The following CNTNAP2 variants were observed in gnomAD, a reference collection of about 807,000 sequenced individuals.
CNTNAP2 encodes the protein contactin-associated protein-like 2.
Under a neutral mutation model 155.2 loss-of-function variants are expected in CNTNAP2, and 98 were observed. The ratio of observed to expected loss-of-function variants is 0.63; its 90% CI spans 0.54 to 0.75. The LOEUF is 0.75. Ranked by LOEUF, CNTNAP2 falls within the 30% of genes least tolerant of loss-of-function variation. The pLI, the probability that CNTNAP2 is intolerant of heterozygous loss-of-function variation, is 0.00. For synonymous variants in CNTNAP2, 651 were observed against 631.2 expected (o/e 1.03, Z -0.47); for missense variants, 1,727 against 1,688.1 (o/e 1.02, Z -0.40).
chr7:146,269,804 T>C (rs1049388719), intron 1 of CNTNAP2, among the ~76,000 whole-genome samples: 9 of 152,240 alleles, frequency 5.9e-5, no homozygotes, highest in Non-Finnish European at 1.2e-4. Context: ...TTGCTTCATG[T>C]GTGGCATGGC....
At chr7:146,431,839 C>T (rs1189235126) in intron 1 of CNTNAP2, among the ~76,000 whole-genome samples, 1 of 152,012 alleles carries the variant, frequency 6.6e-6, no homozygotes, top group Non-Finnish European at 1.5e-5. Context: ...TTATTAAATA[C>T]CCAGTTATTG....
chr7:146,839,674 A>C, intron 2 of CNTNAP2, 37 bp from the exon 3 acceptor site: 1 of 1,609,062 alleles, frequency 6.2e-7, no homozygotes, highest in Non-Finnish European at 8.5e-7. Flanking sequence ...TCAAATTTAA[A>C]TATTCATTTT....
At chr7:146,687,968 A>G (rs1275948299) in intron 1 of CNTNAP2, among the ~76,000 whole-genome samples, 1 of 152,150 alleles carries the variant, frequency 6.6e-6, no homozygotes, top group Non-Finnish European at 1.5e-5. Flanking sequence ...AAGATAATCA[A>G]CTGGGGATTA....
At chr7:146,402,995 C>G (rs949965165) in intron 1 of CNTNAP2, among the ~76,000 whole-genome samples, 1 of 151,674 alleles carries the variant, frequency 6.6e-6, no homozygotes, top group Non-Finnish European at 1.5e-5. Flanking sequence ...AATTAATGAC[C>G]TAGTCACACA....
Position 147,281,661 on chromosome 7 carries a change from T to C in CNTNAP2, c.1349-18480T>C, listed in dbSNP as rs1435092094. On this transcript the variant is annotated intron_variant, in intron 8 of 23. Transcript: ENST00000361727. ...TATATTCACATTTATTGGATATATT[T>C]AAGAGAAATATATTCATGAATATAT... Among the ~76,000 whole-genome samples the C allele has an allele frequency of 2.6e-5, 4 of 151,894 alleles. No homozygotes were observed. The East Asian group carries it at 5.8e-4, about 22-fold the overall frequency.
At chr7:146,267,848 T>C (rs1046456596) in intron 1 of CNTNAP2, among the ~76,000 whole-genome samples, 1 of 152,072 alleles carries the variant, frequency 6.6e-6, no homozygotes, top group South Asian at 2.1e-4. Flanking sequence ...TCTATAGATA[T>C]AAAAATTAAA....
chr7:147,775,051 C>G (rs961831779), intron 13 of CNTNAP2, among the ~76,000 whole-genome samples: 7 of 150,696 alleles, frequency 4.6e-5, no homozygotes, highest in Non-Finnish European at 1.0e-4. Flanking sequence ...AAACCTTATT[C>G]TCATGGAACT....
chr7:148,089,045 G>A (rs942811727), intron 15 of CNTNAP2, among the ~76,000 whole-genome samples: 7 of 151,828 alleles, frequency 4.6e-5, no homozygotes, highest in African/African-American at 1.5e-4. Context: ...CAGAATGAAG[G>A]ACAAAACCCA....
chr7:146,668,618 C>T (rs1199027504), intron 1 of CNTNAP2, among the ~76,000 whole-genome samples: 2 of 152,010 alleles, frequency 1.3e-5, no homozygotes, highest in Non-Finnish European at 2.9e-5. Flanking sequence ...GTGATGAAGC[C>T]ATCCAGTTAA....
chr7:147,264,676 T>C (rs1804567918), intron 8 of CNTNAP2, among the ~76,000 whole-genome samples: 1 of 151,122 alleles, frequency 6.6e-6, no homozygotes, highest in African/African-American at 2.4e-5. Context: ...ACCCTACAGC[T>C]GTTAAGAACC....
chr7:148,061,958 G>C (rs1432610983), intron 15 of CNTNAP2, among the ~76,000 whole-genome samples: 2 of 29,902 alleles, frequency 6.7e-5, no homozygotes, highest in Non-Finnish European at 1.5e-4. Flanking sequence ...AACAGATATA[G>C]ATAGATAGAT....
chr7:147,501,150 G>T (rs1275996696), intron 11 of CNTNAP2, among the ~76,000 whole-genome samples: 1 of 151,768 alleles, frequency 6.6e-6, no homozygotes. Context: ...CATTTCAACA[G>T]ACACAGAAGA....
intron 11 of CNTNAP2, among the ~76,000 whole-genome samples, chr7:147,525,930 C>T (rs890606844): frequency 2.6e-5 from 4 of 152,044 alleles, no homozygotes; most frequent in African/African-American, 9.7e-5. Flanking sequence ...CAGTGGCTCA[C>T]ATCTGTAATC....
intron 1 of CNTNAP2, among the ~76,000 whole-genome samples, chr7:146,361,947 A>T (rs1795088467): frequency 6.6e-6 from 1 of 152,182 alleles, no homozygotes; most frequent in Non-Finnish European, 1.5e-5. Context: ...TATTAGTGGT[A>T]CTCCACAAAC....
intron 1 of CNTNAP2, among the ~76,000 whole-genome samples, chr7:146,146,913 A>G (rs1343958774): frequency 1.3e-5 from 2 of 152,168 alleles, no homozygotes; most frequent in Non-Finnish European, 2.9e-5. Flanking sequence ...GCGTTAGTGA[A>G]TGATTCACTA....
At chr7:146,362,125 C>T (rs6946112) in intron 1 of CNTNAP2, among the ~76,000 whole-genome samples, 35,656 of 151,998 alleles carry the variant, frequency 0.23, 4,839 homozygotes, top group Admixed American at 0.39. Flanking sequence ...ATGGATCTTA[C>T]TCTTTGGAAA....
chr7:147,315,525 AG>A (rs1359641051), intron 9 of CNTNAP2, among the ~76,000 whole-genome samples: 1 of 130,138 alleles, frequency 7.7e-6, no homozygotes, highest in African/African-American at 2.9e-5. Flanking sequence ...TCTGTCCCCC[AG>A]GCTGGAGTGC....
intron 10 of CNTNAP2, among the ~76,000 whole-genome samples, chr7:147,468,449 G>A (rs1584751424): frequency 6.6e-6 from 1 of 152,164 alleles, no homozygotes; most frequent in Non-Finnish European, 1.5e-5. Context: ...TTTTCTAAGT[G>A]TTGTATCTAT....
At chr7:147,835,366 T>C (rs1235326626) in intron 13 of CNTNAP2, among the ~76,000 whole-genome samples, 1 of 152,154 alleles carries the variant, frequency 6.6e-6, no homozygotes, top group Admixed American at 6.5e-5. Context: ...ACTCCTCGTT[T>C]TAAGGGTGAA....
Sources: allele counts gnomAD v4.1 joint callset (sites outside exome capture counted in the v4.1 genomes callset), GRCh38; gene constraint gnomAD v4.1.1; transcripts MANE v1.5; gene names NCBI Gene and HGNC (gene_info 2026-07-23, HGNC 2026-07-21).